Variants in NIPA2 observed in about 807,000 individuals in gnomAD.
NIPA2 encodes NIPA magnesium transporter 2.
A neutral mutation model predicts 29.7 loss-of-function variants in NIPA2; 11 were observed. The ratio of observed to expected loss-of-function variants is 0.37; its 90% CI spans 0.23 to 0.61. The LOEUF is 0.61. Ranked by LOEUF, NIPA2 falls within the 20% of genes least tolerant of loss-of-function variation. NIPA2 has a pLI of 0.66. For missense variants in NIPA2, 426 were observed against 437.9 expected (o/e 0.97, Z 0.24); for synonymous variants, 183 against 161.9 (o/e 1.13, Z -0.99).
Position 22,839,782 on chromosome 15 carries a change from A to G in NIPA2, c.-224A>G, listed in dbSNP as rs1896515809. Reference sequence around the variant, plus strand: ...TTTTTTCATAAGAGAGACCATATTAAACTTACATGTAAGTTAAAATTGTAA... The same window carrying G: ...TTTTTTCATAAGAGAGACCATATTAGACTTACATGTAAGTTAAAATTGTAA... On this transcript the variant is annotated 5_prime_UTR_variant, in exon 2 of 8. Coordinates refer to ENST00000337451, the MANE Select transcript of NIPA2 (RefSeq NM_030922.7). The G allele has an allele frequency of 6.6e-6, 1 of 152,170 alleles. No individual in the cohort carries two copies. The highest frequency in any genetic ancestry group is 1.5e-5 in the Non-Finnish European group (1 of 68,028). The allele number at this position is 152,170 out of a possible 1,614,324, so 9.4% of individuals were successfully genotyped here.
intron 2 of NIPA2, among the ~76,000 whole-genome samples, chr15:22,841,499 T>G (rs1183874245): frequency 6.6e-6 from 1 of 152,156 alleles, no homozygotes; most frequent in Non-Finnish European, 1.5e-5. Flanking sequence ...CCCCACGTGA[T>G]CTGACACTCA....
In NIPA2 at chr15:22,867,246, C is replaced by CAG. The variant is rs552579436; in HGVS notation, c.*402_*403dup. ...GTAAGGCTTTTTTATTTTAAAAAAACAGAGTTATCCCAATACATTATCCTG... is the reference window on the plus strand; with the variant it reads ...GTAAGGCTTTTTTATTTTAAAAAAACAGAGAGTTATCCCAATACATTATCCTG... On this transcript the variant is annotated 3_prime_UTR_variant, in exon 8 of 8. Coordinates refer to ENST00000337451, the MANE Select transcript of NIPA2 (RefSeq NM_030922.7). 2.5e-6 allele frequency: 1 copy of CAG among 403,986 alleles called. No individual in the cohort carries two copies. Among genetic ancestry groups the CAG allele is most frequent in the Non-Finnish European group, 4.4e-6 (1 of 229,740 alleles). The allele number at this position is 403,986 out of a possible 1,614,324, so 25.0% of individuals were successfully genotyped here.
chr15:22,840,911 A>G (rs912714928), intron 2 of NIPA2, among the ~76,000 whole-genome samples: 1 of 146,384 alleles, frequency 6.8e-6, no homozygotes, highest in African/African-American at 2.5e-5. Flanking sequence ...TGAATATTAC[A>G]TTTTTTTATA....
chr15:22,851,633 G>T lies in NIPA2; in HGVS notation c.-93-6G>T. 1.0e-6 allele frequency: 1 copy of T among 963,492 alleles called. No individual in the cohort carries two copies. The highest frequency in any genetic ancestry group is 2.1e-5 in the South Asian group (1 of 48,284). 59.7% of individuals were successfully genotyped at this position (963,492 alleles called of 1,614,324 possible). On this transcript the variant is annotated splice_region_variant and splice_polypyrimidine_tract_variant and intron_variant, in intron 3 of 7. Transcript: ENST00000337451. ...TGAAAACCACATTTCATTTTTTATT[G>T]TTTAGGTTTGAAGACTGCTTCATTC... is the stretch of plus-strand genomic sequence containing the variant.
chr15:22,858,724 C>T, intron 6 of NIPA2, 94 bp downstream of exon 6: 1 of 746,568 alleles, frequency 1.3e-6, no homozygotes, highest in Non-Finnish European at 2.0e-6. Context: ...ACACAATTTA[C>T]ATTTCAACAA....
intron 3 of NIPA2, among the ~76,000 whole-genome samples, chr15:22,850,829 G>T (rs1595323985): frequency 1.3e-5 from 2 of 152,328 alleles, no homozygotes; most frequent in African/African-American, 2.4e-5. Flanking sequence ...AAGTTAAATT[G>T]TGGGACTAAA....
intron 7 of NIPA2, 86 bp from the exon 8 acceptor site, chr15:22,866,127 A>G (rs2059046578): frequency 9.1e-7 from 1 of 1,100,950 alleles, no homozygotes; most frequent in Non-Finnish European, 1.3e-6. Flanking sequence ...TTTTCTCCCT[A>G]TCAAGTTTAT....
chr15:22,860,169 G>A (rs1234600874), intron 6 of NIPA2, among the ~76,000 whole-genome samples: 1 of 151,810 alleles, frequency 6.6e-6, no homozygotes, highest in Non-Finnish European at 1.5e-5. Flanking sequence ...CAGGATGCCC[G>A]CCACCATGCC....
Position 22,866,947 on chromosome 15 carries a change from A to G in NIPA2, c.*100A>G. 8.6e-7 allele frequency: 1 copy of G among 1,162,102 alleles called. No individual in the cohort carries two copies. Among genetic ancestry groups the G allele is most frequent in the Non-Finnish European group, 1.2e-6 (1 of 834,322 alleles). 72.0% of individuals were successfully genotyped at this position (1,162,102 alleles called of 1,614,324 possible). A position where few individuals can be genotyped will look rare whatever the true frequency, so the allele number is the denominator to read the frequency against. ...ACATTGTCCTCAAATAATGTTCTTT[A>G]AAGGCAATCTTTTTAAAGATTTCAC... On this transcript the variant is annotated 3_prime_UTR_variant, in exon 8 of 8. Transcript: ENST00000337451.
At chr15:22,840,750 A>G (rs1284219341) in intron 2 of NIPA2, among the ~76,000 whole-genome samples, 1 of 152,174 alleles carries the variant, frequency 6.6e-6, no homozygotes, top group Non-Finnish European at 1.5e-5. Context: ...TAGAAGAGAA[A>G]TGAGTAGAAA....
At chr15:22,862,069 CAG>C (rs1292048332) in intron 7 of NIPA2, among the ~76,000 whole-genome samples, 39 of 13,428 alleles carry the variant, frequency 2.9e-3, no homozygotes, top group Admixed American at 0.014. Context: ...TTTTTTGAGA[CAG>C]AGTTTTGTTC....
chr15:22,865,621 T>A (rs1387801241), intron 7 of NIPA2, among the ~76,000 whole-genome samples: 2 of 152,104 alleles, frequency 1.3e-5, no homozygotes, highest in Admixed American at 1.3e-4. Flanking sequence ...ACAGGGTAGT[T>A]GAGTGCGAAT....
chr15:22,843,416 G>C (rs1897678715), intron 2 of NIPA2, among the ~76,000 whole-genome samples: 1 of 151,140 alleles, frequency 6.6e-6, no homozygotes, highest in Non-Finnish European at 1.5e-5. Context: ...TGAGACAGGA[G>C]AATGGCGTGA....
In NIPA2 at chr15:22,866,845, T is replaced by TAAG. The variant is rs2059126641; in HGVS notation, c.*1_*3dup. The TAAG allele has an allele frequency of 1.3e-6, 2 of 1,587,188 alleles. No individual in the cohort carries two copies. The highest frequency in any genetic ancestry group is 1.8e-5 in the Admixed American group (1 of 55,970). ...AAGAAATGGAAATCTGACAGCTTTT[T>TAAG]AAGAAAGGTGTAATTAAAGGTTAAT... is the stretch of plus-strand genomic sequence containing the variant. On this transcript the variant is annotated inframe_insertion and stop_retained_variant, in exon 8 of 8. Transcript: ENST00000337451.
chr15:22,864,434 G>A (rs751673000), intron 7 of NIPA2, among the ~76,000 whole-genome samples: 6 of 152,294 alleles, frequency 3.9e-5, no homozygotes, highest in South Asian at 4.1e-4. Context: ...GATTACAGGC[G>A]TGAGCCACCA....
chr15:22,864,345 G>A (rs185007690), intron 7 of NIPA2, among the ~76,000 whole-genome samples: 2 of 152,056 alleles, frequency 1.3e-5, no homozygotes, highest in Non-Finnish European at 2.9e-5. Flanking sequence ...TAGTAGAGAC[G>A]GGGTTTCACC....
At position 22,866,972 on chromosome 15, in the gene NIPA2, C is replaced by G. The variant is rs554783434; in HGVS notation, c.*125C>G. ...AAAGGCAATCTTTTTAAAGATTTCA[C>G]TAATTTGGACCAAGAAATTACTTTT... is the stretch of plus-strand genomic sequence containing the variant. On this transcript the variant is annotated 3_prime_UTR_variant, in exon 8 of 8. Coordinates refer to ENST00000337451, the MANE Select transcript of NIPA2 (RefSeq NM_030922.7). The G allele has an allele frequency of 1.1e-6, 1 of 913,940 alleles. No homozygotes were observed. Among genetic ancestry groups the G allele is most frequent in the Non-Finnish European group, 1.6e-6 (1 of 623,800 alleles). The allele number at this position is 913,940 out of a possible 1,614,324, so 56.6% of individuals were successfully genotyped here.
In NIPA2 at chr15:22,866,202, GCCT is replaced by G. The variant is rs1322183236; in HGVS notation, c.449-5_449-3del. ...CATTTGACTCATGTAACTTTTCTTT[GCCT>G]CCTCCAGGTTTTGTGGTCTTTGCAA... On this transcript the variant is annotated splice_polypyrimidine_tract_variant and splice_region_variant and intron_variant, in intron 7 of 7. Transcript: ENST00000337451. The G allele has an allele frequency of 6.2e-7, 1 of 1,602,426 alleles. No individual in the cohort carries two copies. The highest frequency in any genetic ancestry group is 8.5e-7 in the Non-Finnish European group (1 of 1,172,110).
At chr15:22,857,004 T>C (rs188917011) in intron 5 of NIPA2, among the ~76,000 whole-genome samples, 1 of 152,340 alleles carries the variant, frequency 6.6e-6, no homozygotes, top group East Asian at 1.9e-4. Context: ...ACAGCCCATA[T>C]CTAATGCCAT....
Sources: gnomAD v4.1 joint callset for allele counts (sites outside exome capture counted in the v4.1 genomes callset) on GRCh38, gnomAD v4.1.1 for gene constraint, MANE v1.5 for transcripts, NCBI Gene and HGNC (gene_info 2026-07-23, HGNC 2026-07-21) for gene names.